The following COG4 variants were observed in gnomAD, a reference collection of about 807,000 sequenced individuals.
COG4 encodes the protein conserved oligomeric Golgi complex subunit 4.
A neutral mutation model predicts 95.1 loss-of-function variants in COG4; 65 were observed. The ratio of observed to expected loss-of-function variants is 0.68; its 90% CI spans 0.56 to 0.84. COG4 has a LOEUF of 0.84. Among genes scored for constraint, COG4 ranks in the 40% least tolerant of loss-of-function variants. The probability of loss-of-function intolerance (pLI) is 0.00; values close to 1 mark genes in which losing one functional copy is unlikely to be tolerated. For synonymous variants in COG4, 421 were observed against 374.8 expected, an observed-to-expected ratio of 1.12 and a Z score of -1.42; for missense variants, 1,045 against 989.1, an observed-to-expected ratio of 1.06 and a Z score of -0.76.
chr16:70,500,838 A>G (rs1477200402), intron 9 of COG4, 120 bp downstream of exon 9: 6 of 1,242,392 alleles, frequency 4.8e-6, no homozygotes, highest in Non-Finnish European at 7.0e-6. Flanking sequence ...ATTTGCCTAC[A>G]GACCACCAGG....
rs1321865514 is a variant in COG4, at chr16:70,498,075, G to A, written c.1196-20C>T. On this transcript the variant is annotated intron_variant, in intron 9 of 18. Coordinates refer to ENST00000323786, the MANE Select transcript of COG4 (RefSeq NM_015386.3). Reference sequence around the variant, plus strand: ...GGTGCTCTAGGGGACAGCCAAGAAAGGAATACTCATTTTTTTTCCCCAAGG... The same window carrying A: ...GGTGCTCTAGGGGACAGCCAAGAAAAGAATACTCATTTTTTTTCCCCAAGG... The A allele has an allele frequency of 6.7e-7, 1 of 1,503,216 alleles. No individual in the cohort carries two copies. Among genetic ancestry groups the A allele is most frequent in the East Asian group, 2.3e-5 (1 of 44,316 alleles). The allele number at this position is 1,503,216 out of a possible 1,614,324, so 93.1% of individuals were successfully genotyped here. A position where few individuals can be genotyped will look rare whatever the true frequency, so the allele number is the denominator to read the frequency against.
rs764121851 is a variant in COG4, at chr16:70,482,798, G to A, written c.1851C>T (p.Ser617=). Residue 617 remains serine (S), a synonymous_variant, in exon 15 of 19, where the codon AGC becomes AGT. Coordinates refer to ENST00000323786, the MANE Select transcript of COG4 (RefSeq NM_015386.3). ...GCTGCACCTGTGGCTTGATGGCTGT[G>A]CTGTTGAGCTCCGTCAGCCCTTCCT... ...LLQEGLTELN[S]TAIKPQVQPW... 6.2e-7 allele frequency: 1 copy of A among 1,613,820 alleles called. No homozygotes were observed. Among genetic ancestry groups the A allele is most frequent in the Admixed American group, 1.7e-5 (1 of 60,004 alleles).
chr16:70,493,741 T>C (rs1167211600), intron 12 of COG4, among the ~76,000 whole-genome samples: 1 of 151,786 alleles, frequency 6.6e-6, no homozygotes, highest in Non-Finnish European at 1.5e-5. Flanking sequence ...CTGTGGACAG[T>C]GGGCTGGCAC....
intron 13 of COG4, among the ~76,000 whole-genome samples, chr16:70,484,780 C>G (rs1348782208): frequency 6.6e-6 from 1 of 152,106 alleles, no homozygotes; most frequent in African/African-American, 2.4e-5. Flanking sequence ...GCCCCTGCAT[C>G]CCTAGCTACT....
Position 70,506,581 on chromosome 16 carries a change from G to A in COG4, c.1061+1825C>T, listed in dbSNP as rs1217473645. On this transcript the variant is annotated intron_variant, in intron 8 of 18. Transcript: ENST00000323786. ...ACTGCACTCCAGCCTGGGCAACAGA[G>A]CGAGACTGCCTCAAAAAAAAAAAAA... Among the ~76,000 whole-genome samples, 3 of 110,286 alleles carry A rather than the reference G, an allele frequency of 2.7e-5. No individual in the cohort carries two copies. In the Admixed American group the frequency reaches 3.7e-4, roughly 14 times the overall value. 72.4% of individuals were successfully genotyped at this position (110,286 alleles called of 152,430 possible).
intron 6 of COG4, 80 bp from the exon 7 acceptor site, chr16:70,509,468 A>G: frequency 6.6e-7 from 1 of 1,503,960 alleles, no homozygotes; most frequent in Non-Finnish European, 9.2e-7. Context: ...GGACTAACCG[A>G]AGGTCTAGCT....
At chr16:70,515,061 G>C (rs1173191299) in intron 3 of COG4, among the ~76,000 whole-genome samples, 1 of 149,276 alleles carries the variant, frequency 6.7e-6, no homozygotes, top group African/African-American at 2.5e-5. Context: ...TGTTGCCCAG[G>C]CTAGAGTACA....
intron 12 of COG4, among the ~76,000 whole-genome samples, chr16:70,492,959 A>G (rs961161727): frequency 6.6e-6 from 1 of 151,994 alleles, no homozygotes; most frequent in African/African-American, 2.4e-5. Context: ...ACGAAACTCC[A>G]TCTCCAAAAA....
In COG4 at chr16:70,509,889, CT is replaced by C. The variant is rs755801943; in HGVS notation, c.844+26del. On this transcript the variant is annotated intron_variant, in intron 6 of 18. Coordinates refer to ENST00000323786, the MANE Select transcript of COG4 (RefSeq NM_015386.3). The stretch of plus-strand genomic sequence containing the variant: ...GCAGGTGTCATATACAGTCTCCAGT[CT>C]CTCTAGAGCGGAGAAAGAGGCTCAC... The C allele has an allele frequency of 1.0e-5, 16 of 1,563,602 alleles. No homozygotes were observed. In the African/African-American group the frequency reaches 2.0e-4, roughly 20 times the overall value.
chr16:70,496,452 G>C, intron 11 of COG4, 21 bp from the exon 12 acceptor site: 2 of 1,613,828 alleles, frequency 1.2e-6, no homozygotes, highest in Non-Finnish European at 1.7e-6. Flanking sequence ...GGATTGCATA[G>C]AGGAATTGAC....
chr16:70,509,614 G>C (rs2049655841), intron 6 of COG4, among the ~76,000 whole-genome samples: 1 of 152,090 alleles, frequency 6.6e-6, no homozygotes. Context: ...CATTGATACT[G>C]TTTTCTACAG....
At chr16:70,489,876 G>A (rs2049209653) in intron 13 of COG4, among the ~76,000 whole-genome samples, 2 of 152,242 alleles carry the variant, frequency 1.3e-5, no homozygotes, top group South Asian at 4.2e-4. Context: ...GGAGTGCAGT[G>A]GCACGATCTC....
In COG4 at chr16:70,515,957, C is replaced by G. The variant is rs964083008; in HGVS notation, c.370-1448G>C. Reference sequence around the variant, plus strand: ...GTGTTAGGATTGCAGGCATGAGCCACCACACCTGGCCAGCTGTGGTTTTTC... The same window carrying G: ...GTGTTAGGATTGCAGGCATGAGCCAGCACACCTGGCCAGCTGTGGTTTTTC... On this transcript the variant is annotated intron_variant, in intron 3 of 18. Coordinates refer to ENST00000323786, the MANE Select transcript of COG4 (RefSeq NM_015386.3). 39 of 455,398 alleles carry G rather than the reference C, an allele frequency of 8.6e-5. 1 individual carries two copies. The highest frequency in any genetic ancestry group is 7.4e-4 in the African/African-American group (37 of 50,000). The allele number at this position is 455,398 out of a possible 1,614,324, so 28.2% of individuals were successfully genotyped here.
Position 70,486,876 on chromosome 16 carries a change from G to T in COG4, c.1711-2907C>A, listed in dbSNP as rs992241379. ...CTAGGTGTGGTGGCGCACACCTGTA[G>T]TCTCAGCTACTTGGGAGCTGAGGCA... On this transcript the variant is annotated intron_variant, in intron 13 of 18. Coordinates refer to ENST00000323786, the MANE Select transcript of COG4 (RefSeq NM_015386.3). Among the ~76,000 whole-genome samples the T allele has an allele frequency of 1.3e-4, 20 of 151,996 alleles. No homozygotes were observed. The East Asian group carries it at 3.9e-3, about 29-fold the overall frequency.
chr16:70,481,390 G>A lies in COG4; in HGVS notation c.2204C>T (p.Ser735Phe). The change falls in exon 18 of 19, where the codon TCC (serine) becomes TTC (phenylalanine). Residue 735 changes from serine (S) to phenylalanine (F), a missense_variant. Physicochemically the swap from Ser to Phe is radical, Grantham distance 155. Transcript: ENST00000323786. ...CAGATTGAGGATGGTGGCCATCTGG[G>A]AGAGCCGGGCAAACTTGTCTCGGAT... ...WTIRDKFARL[S>F]QMATILNLER... 1.1e-5 allele frequency: 18 copies of A among 1,613,340 alleles called. No homozygotes were observed. The highest frequency in any genetic ancestry group is 1.5e-5 in the Non-Finnish European group (18 of 1,179,978).
In COG4 at chr16:70,480,688, G is replaced by C. The variant is rs17883770; in HGVS notation, c.*322C>G. On this transcript the variant is annotated 3_prime_UTR_variant, in exon 19 of 19. Transcript: ENST00000323786. ...TGTCTAGGACTGGCAGGGGTAGCTT[G>C]TTTGCTGTAGTGTTTGAGGGCAAGA... The C allele has an allele frequency of 5.2e-6, 2 of 384,490 alleles. No homozygotes were observed. The highest frequency in any genetic ancestry group is 1.2e-4 in the East Asian group (2 of 17,376). 23.8% of individuals were successfully genotyped at this position (384,490 alleles called of 1,614,324 possible).
At position 70,482,133 on chromosome 16, in the gene COG4, G is replaced by C; in HGVS notation, c.1963C>G (p.Gln655Glu). 6.2e-7 allele frequency: 1 copy of C among 1,614,070 alleles called. No homozygotes were observed. The highest frequency in any genetic ancestry group is 8.5e-7 in the Non-Finnish European group (1 of 1,179,958). ...TGCTGCTCCAGGTTAAGGATGAACTGTTGTACCCAAGGGTCGTTGGCCTCA... is the reference window on the plus strand; with the variant it reads ...TGCTGCTCCAGGTTAAGGATGAACTCTTGTACCCAAGGGTCGTTGGCCTCA... ...DYEANDPWVQQFILNLEQQMA... is the reference protein window; with the variant it reads ...DYEANDPWVQEFILNLEQQMA... The change falls in exon 16 of 19, where the codon CAG (glutamine) becomes GAG (glutamate). Residue 655 changes from glutamine (Q) to glutamate (E), a missense_variant. By Grantham distance (29) the Gln-to-Glu change is conservative. Transcript: ENST00000323786.
intron 2 of COG4, among the ~76,000 whole-genome samples, chr16:70,518,320 C>A (rs1415839554): frequency 6.6e-6 from 1 of 152,146 alleles, no homozygotes; most frequent in African/African-American, 2.4e-5. Context: ...ATAAGATGCA[C>A]TAACCAGTAC....
chr16:70,502,891 T>C (rs749503640), intron 8 of COG4, among the ~76,000 whole-genome samples: 1 of 152,230 alleles, frequency 6.6e-6, no homozygotes, highest in Non-Finnish European at 1.5e-5. Flanking sequence ...TGATTTTCAA[T>C]GAGCGCTAGG....
Sources: allele counts gnomAD v4.1 joint callset (sites outside exome capture counted in the v4.1 genomes callset), GRCh38; gene constraint gnomAD v4.1.1; transcripts MANE v1.5; gene names NCBI Gene and HGNC (gene_info 2026-07-23, HGNC 2026-07-21).